Variants in KLF8 observed in about 807,000 individuals in gnomAD.
KLF8 encodes the protein KLF transcription factor 8.
In KLF8, 10 loss-of-function variants were observed where a neutral mutation model predicts 18.2. That is an observed-to-expected ratio of 0.55 (90% CI 0.34 to 0.93). KLF8 has a LOEUF of 0.93. Among genes scored for constraint, KLF8 ranks in the 40% least tolerant of loss-of-function variants. KLF8 has a pLI of 0.02. For missense variants in KLF8, 264 were observed against 277.9 expected, an observed-to-expected ratio of 0.95 and a Z score of 0.36; for synonymous variants, 109 against 97.3, an observed-to-expected ratio of 1.12 and a Z score of -0.71.
the KLF8 span, among the ~76,000 whole-genome samples, chrX:55,987,003 T>C: frequency 2.7e-5 from 3 of 111,278 alleles, no homozygotes; most frequent in African/African-American, 9.8e-5. Context: ...ATATGTACCA[T>C]ATTTTCTTAG....
chrX:56,050,082 T>C, the KLF8 span, among the ~76,000 whole-genome samples: 1 of 110,485 alleles, frequency 9.1e-6, no homozygotes, highest in Non-Finnish European at 1.9e-5. Flanking sequence ...TCTCTGATGG[T>C]AGTTTGTATT....
At chrX:56,219,117 G>A in the KLF8 span, among the ~76,000 whole-genome samples, 1,063 of 111,950 alleles carry the variant, frequency 9.5e-3, 19 homozygotes, top group African/African-American at 0.032. Context: ...GTAGAAGTAC[G>A]TGTAGTCCAA....
At chrX:56,083,473 C>T in the KLF8 span, among the ~76,000 whole-genome samples, 3 of 112,014 alleles carry the variant, frequency 2.7e-5, no homozygotes, top group Non-Finnish European at 5.6e-5. Flanking sequence ...CAATGTTTTT[C>T]TACCTTGAAA....
In KLF8 at chrX:56,284,732, A is replaced by C; in HGVS notation, c.*238A>C. 1 of 284,275 alleles carries C rather than the reference A, an allele frequency of 3.5e-6. No homozygotes were observed. Among genetic ancestry groups the C allele is most frequent in the East Asian group, 5.1e-5 (1 of 19,731 alleles). The allele number at this position is 284,275 out of a possible 1,213,427, so 23.4% of individuals were successfully genotyped here. On this transcript the variant is annotated 3_prime_UTR_variant, in exon 6 of 6. Transcript: ENST00000468660. ...TCAACCTCCACATGGGTTGAATTCC[A>C]GTGTGGCACCCATGGCTGCCTTCCC...
the KLF8 span, among the ~76,000 whole-genome samples, chrX:56,110,817 T>C: frequency 5.4e-4 from 61 of 112,041 alleles, no homozygotes; most frequent in Middle Eastern, 4.7e-3. Context: ...AATTTTTGTT[T>C]CATTAATTTG....
the KLF8 span, among the ~76,000 whole-genome samples, chrX:56,086,444 G>A: frequency 1.8e-5 from 2 of 110,574 alleles, no homozygotes; most frequent in African/African-American, 6.6e-5. Flanking sequence ...GGGGCTGAGA[G>A]CAGTCACTCC....
chrX:56,064,375 A>G, the KLF8 span, among the ~76,000 whole-genome samples: 1 of 108,143 alleles, frequency 9.2e-6, no homozygotes, highest in Non-Finnish European at 1.9e-5. Flanking sequence ...GGAACATTTT[A>G]TTTCATCCCA....
At chrX:56,187,772 C>A in the KLF8 span, among the ~76,000 whole-genome samples, 3 of 110,726 alleles carry the variant, frequency 2.7e-5, no homozygotes, top group Non-Finnish European at 3.8e-5. Flanking sequence ...AAGAAAAAAA[C>A]CACATGATTA....
At chrX:56,068,988 C>A in the KLF8 span, among the ~76,000 whole-genome samples, 1 of 112,269 alleles carries the variant, frequency 8.9e-6, no homozygotes, top group Non-Finnish European at 1.9e-5. Context: ...ACTCCACCCA[C>A]CCTGACCACT....
chrX:56,213,309 CTTTTCTTTTTTTTTTTTTT>C, the KLF8 span, among the ~76,000 whole-genome samples: 1 of 23,491 alleles, frequency 4.3e-5, no homozygotes, highest in Non-Finnish European at 8.1e-5. Flanking sequence ...CTTTTCTTTT[CTTTTCTTTTTTTTTTTTTT>C]TTTTTTTTTT....
chrX:56,109,973 C>G, the KLF8 span, among the ~76,000 whole-genome samples: 1 of 109,147 alleles, frequency 9.2e-6, no homozygotes, highest in Admixed American at 9.9e-5. Context: ...GTGTGTTGTT[C>G]CCCTCCCTGT....
chrX:55,945,622 T>C, the KLF8 span, among the ~76,000 whole-genome samples: 1 of 111,274 alleles, frequency 9.0e-6, no homozygotes. Context: ...CAACATAGTG[T>C]TGGAAGTTCT....
the KLF8 span, among the ~76,000 whole-genome samples, chrX:55,960,041 G>C: frequency 1.8e-5 from 2 of 112,114 alleles, no homozygotes; most frequent in African/African-American, 3.2e-5. Context: ...GCTAACTTAA[G>C]TGAGTCTTTC....
the KLF8 span, among the ~76,000 whole-genome samples, chrX:56,122,443 G>A: frequency 9.0e-6 from 1 of 111,079 alleles, no homozygotes; most frequent in Admixed American, 9.6e-5. Flanking sequence ...TATGATACTT[G>A]GTATGCATTC....
the KLF8 span, among the ~76,000 whole-genome samples, chrX:56,055,065 G>T: frequency 9.0e-6 from 1 of 111,316 alleles, no homozygotes; most frequent in African/African-American, 3.3e-5. Context: ...GGGGCATTTG[G>T]CCTGTTTACC....
intron 5 of KLF8, among the ~76,000 whole-genome samples, chrX:56,279,173 A>C (rs778620489): frequency 9.0e-6 from 1 of 110,775 alleles, no homozygotes; most frequent in Admixed American, 9.6e-5. Context: ...ATTATACTTT[A>C]AGTTTAGGGT....
the KLF8 span, among the ~76,000 whole-genome samples, chrX:55,912,828 T>C: frequency 9.4e-3 from 1,056 of 111,783 alleles, 10 homozygotes; most frequent in African/African-American, 0.033. Context: ...GTTACAGATA[T>C]CAATGTATAT....
intron 4 of KLF8, 124 bp from the exon 5 acceptor site, chrX:56,270,058 G>T: frequency 7.6e-6 from 5 of 655,849 alleles, no homozygotes; most frequent in Non-Finnish European, 1.1e-5. Context: ...CTTTTTGGGG[G>T]GACCTAGCAT....
chrX:56,176,378 A>T, the KLF8 span, among the ~76,000 whole-genome samples: 1 of 111,744 alleles, frequency 8.9e-6, no homozygotes, highest in South Asian at 3.7e-4. Context: ...GTTTGGCTGG[A>T]TATGAAATTC....
Sources: allele counts gnomAD v4.1 joint callset (sites outside exome capture counted in the v4.1 genomes callset), GRCh38; gene constraint gnomAD v4.1.1; transcripts MANE v1.5; gene names NCBI Gene and HGNC (gene_info 2026-07-23, HGNC 2026-07-21).